Variants in URAD observed in about 807,000 individuals in gnomAD.
URAD encodes ureidoimidazoline (2-oxo-4-hydroxy-4-carboxy-5-) decarboxylase, also known as putative 2-oxo-4-hydroxy-4-carboxy-5-ureidoimidazoline decarboxylase.
In URAD, 4 loss-of-function variants were observed where a neutral mutation model predicts 4.6. The ratio of observed to expected loss-of-function variants is 0.87; its 90% CI spans 0.43 to 1.98. The LOEUF is 1.98. Ranked by LOEUF, URAD falls within the 30% of genes most tolerant of loss-of-function variation. URAD has a pLI of 0.03. For missense variants in URAD, 300 were observed against 255.3 expected (o/e 1.18, Z -1.19); for synonymous variants, 144 against 118.2 (o/e 1.22, Z -1.41).
At chr13:27,979,809 T>C (rs1403001739) in intron 1 of URAD, among the ~76,000 whole-genome samples, 1 of 152,194 alleles carries the variant, frequency 6.6e-6, no homozygotes, top group African/African-American at 2.4e-5. Flanking sequence ...GGATGATTGA[T>C]AGTGCACCAT....
At chr13:27,987,348 C>T (rs953866245) in intron 1 of URAD, among the ~76,000 whole-genome samples, 3 of 152,142 alleles carry the variant, frequency 2.0e-5, no homozygotes, top group African/African-American at 7.2e-5. Context: ...TTCTCCTCAC[C>T]CCACACCAAG....
intron 1 of URAD, among the ~76,000 whole-genome samples, chr13:27,986,496 G>A (rs899901765): frequency 6.6e-6 from 1 of 151,962 alleles, no homozygotes; most frequent in Non-Finnish European, 1.5e-5. Flanking sequence ...GAGTGTTGGT[G>A]AGCAATAAGA....
intron 1 of URAD, among the ~76,000 whole-genome samples, chr13:27,988,083 C>T (rs940954181): frequency 2.0e-5 from 3 of 152,132 alleles, no homozygotes; most frequent in African/African-American, 2.4e-5. Context: ...CTCAGCCTCC[C>T]GAATAGCTGG....
chr13:27,987,900 A>AGATAGAT (rs1555247021), intron 1 of URAD, among the ~76,000 whole-genome samples: 3 of 45,614 alleles, frequency 6.6e-5, no homozygotes, highest in South Asian at 4.1e-4. Context: ...GATGATAGAT[A>AGATAGAT]GATAGATAGA....
chr13:27,986,484 G>T (rs1870031624), intron 1 of URAD, among the ~76,000 whole-genome samples: 1 of 152,066 alleles, frequency 6.6e-6, no homozygotes, highest in East Asian at 1.9e-4. Flanking sequence ...CTGGATTGTG[G>T]GGAGTGTTGG....
In URAD at chr13:27,985,756, G is replaced by T. The variant is rs531203064; in HGVS notation, c.175+2707C>A. Among the ~76,000 whole-genome samples the T allele has an allele frequency of 1.8e-4, 27 of 152,294 alleles. No homozygotes were observed. In the South Asian group the frequency reaches 5.4e-3, roughly 30 times the overall value. On this transcript the variant is annotated intron_variant, in intron 1 of 1. Transcript: ENST00000332715. The stretch of plus-strand genomic sequence containing the variant: ...ATTCCAGTCCTGCCACTTTCTAGTA[G>T]TGTGTCCTTGCTCAAGTTACTTAAT...
intron 1 of URAD, among the ~76,000 whole-genome samples, chr13:27,987,892 T>TGATAGATAGATAGATAGATA (rs6144971): frequency 6.0e-5 from 9 of 150,194 alleles, no homozygotes; most frequent in East Asian, 2.0e-4. Flanking sequence ...AATAGATAGA[T>TGATAGATAGATAGATAGATA]GATAGATAGA....
intron 1 of URAD, among the ~76,000 whole-genome samples, chr13:27,979,095 C>G (rs914876041): frequency 2.6e-5 from 4 of 152,122 alleles, no homozygotes; most frequent in South Asian, 4.1e-4. Flanking sequence ...ATCCAAAGAG[C>G]CTTGCAGATG....
chr13:27,984,911 G>A (rs867399657), intron 1 of URAD, among the ~76,000 whole-genome samples: 1 of 151,542 alleles, frequency 6.6e-6, no homozygotes, highest in South Asian at 2.1e-4. Context: ...CCCGGGAGGC[G>A]GAGGTTGCAG....
chr13:27,981,830 T>A (rs925910410), intron 1 of URAD, among the ~76,000 whole-genome samples: 1 of 152,212 alleles, frequency 6.6e-6, no homozygotes, highest in African/African-American at 2.4e-5. Flanking sequence ...CCCTTATCAA[T>A]GTGCAAACAT....
chr13:27,988,607 G>A lies in URAD; in HGVS notation c.31C>T (p.Leu11Phe). The A allele has an allele frequency of 1.2e-6, 2 of 1,612,764 alleles. No individual in the cohort carries two copies. Among genetic ancestry groups the A allele is most frequent in the Non-Finnish European group, 1.7e-6 (2 of 1,179,386 alleles). Residue 11 changes from leucine to phenylalanine, a missense_variant, in exon 1 of 2, where the codon CTT (leucine) becomes TTT (phenylalanine). Transcript: ENST00000332715. The part of the protein sequence containing the change: MDIEKVNSMD[L>F]GEFVDVFGNA... ...CCAAACACATCCACGAATTCTCCAA[G>A]GTCCATGGAGTTGACCTTCTCAATG...
At chr13:27,983,475 T>C (rs746480922) in intron 1 of URAD, among the ~76,000 whole-genome samples, 4 of 152,166 alleles carry the variant, frequency 2.6e-5, no homozygotes, top group Non-Finnish European at 5.9e-5. Flanking sequence ...GTGATCCATC[T>C]GCCTCATCCT....
At chr13:27,979,260 A>T (rs980917951) in intron 1 of URAD, among the ~76,000 whole-genome samples, 1 of 152,166 alleles carries the variant, frequency 6.6e-6, no homozygotes, top group Non-Finnish European at 1.5e-5. Context: ...CCCAGAGAAC[A>T]GCGTTTACTT....
chr13:27,988,210 G>A (rs907066952), intron 1 of URAD, among the ~76,000 whole-genome samples: 3 of 152,094 alleles, frequency 2.0e-5, no homozygotes, highest in African/African-American at 7.2e-5. Flanking sequence ...ACCCACCTCG[G>A]CCTCCCAAAG....
chr13:27,981,378 C>T (rs1869874143), intron 1 of URAD, among the ~76,000 whole-genome samples: 1 of 152,190 alleles, frequency 6.6e-6, no homozygotes, highest in African/African-American at 2.4e-5. Context: ...GCTAGGCAGG[C>T]CAGTCAGACA....
intron 1 of URAD, among the ~76,000 whole-genome samples, chr13:27,982,905 C>A (rs1342055833): frequency 6.6e-6 from 1 of 152,200 alleles, no homozygotes; most frequent in Non-Finnish European, 1.5e-5. Flanking sequence ...AAGCCCTATT[C>A]TGAGAATCCA....
At chr13:27,985,481 C>G (rs1397823671) in intron 1 of URAD, among the ~76,000 whole-genome samples, 1 of 151,998 alleles carries the variant, frequency 6.6e-6, no homozygotes, top group African/African-American at 2.4e-5. Context: ...AATAAAAAAG[C>G]CTACTTTCTT....
chr13:27,977,974 CT>C lies in URAD; in HGVS notation c.*131del, dbSNP rs1203798896. The C allele has an allele frequency of 1.2e-5, 9 of 734,778 alleles. No homozygotes were observed. Among genetic ancestry groups the C allele is most frequent in the Non-Finnish European group, 1.6e-5 (8 of 498,948 alleles). 45.5% of individuals were successfully genotyped at this position (734,778 alleles called of 1,614,324 possible). ...CATTACTCGTATGATTGCCTCAATT[CT>C]CCACTTCCTTTGTGCACGTGTGTGG... On this transcript the variant is annotated 3_prime_UTR_variant, in exon 2 of 2. Coordinates refer to ENST00000332715, the MANE Select transcript of URAD (RefSeq NM_001105577.2).
At chr13:27,980,165 G>A (rs1490298099) in intron 1 of URAD, among the ~76,000 whole-genome samples, 1 of 152,120 alleles carries the variant, frequency 6.6e-6, no homozygotes, top group Admixed American at 6.5e-5. Context: ...CTGGGTTCAA[G>A]CGATCCTCCC....
Sources: allele counts gnomAD v4.1 joint callset (sites outside exome capture counted in the v4.1 genomes callset), GRCh38; gene constraint gnomAD v4.1.1; transcripts MANE v1.5; gene names NCBI Gene and HGNC (gene_info 2026-07-23, HGNC 2026-07-21).